Variants in UNC13A observed in about 807,000 individuals in gnomAD.
UNC13A encodes the protein unc-13 homolog A.
UNC13A carries 61 observed loss-of-function variants against 219.7 expected under a neutral mutation model. That is an observed-to-expected ratio of 0.28 (90% CI 0.23 to 0.34). UNC13A has a LOEUF of 0.34. Ranked by LOEUF, UNC13A falls within the 10% of genes least tolerant of loss-of-function variation. UNC13A has a pLI of 1.00. For synonymous variants in UNC13A, 920 were observed against 884.6 expected, an observed-to-expected ratio of 1.04 and a Z score of -0.71; for missense variants, 1,476 against 2,270.3, an observed-to-expected ratio of 0.65 and a Z score of 7.11.
intron 36 of UNC13A, 105 bp downstream of exon 36, chr19:17,623,437 G>T: frequency 2.3e-6 from 2 of 851,744 alleles, no homozygotes; most frequent in East Asian, 3.0e-5. Context: ...TGGTGGGTGA[G>T]GAGGGGGCGC....
intron 41 of UNC13A, among the ~76,000 whole-genome samples, chr19:17,613,114 C>T (rs140132959): frequency 0.052 from 7,942 of 152,156 alleles, 289 homozygotes; most frequent in African/African-American, 0.1. Flanking sequence ...CGCCTGTAAT[C>T]CCAGCTACTT....
rs1885421971 is a variant in UNC13A, at chr19:17,630,130, C to G, written c.3669+15G>C. The G allele has an allele frequency of 6.4e-7, 1 of 1,551,568 alleles. No individual in the cohort carries two copies. Among genetic ancestry groups the G allele is most frequent in the East Asian group, 2.4e-5 (1 of 40,922 alleles). ...ACCCTGTCCCCTAGCCCCAACCCTA[C>G]CCACTCTCCCACACCTTGGCAAAGC... is the stretch of plus-strand genomic sequence containing the variant. On this transcript the variant is annotated intron_variant, in intron 30 of 43. Transcript: ENST00000519716.
chr19:17,605,983 G>C lies in UNC13A; in HGVS notation c.*71C>G. The C allele has an allele frequency of 2.2e-6, 3 of 1,340,696 alleles. No individual in the cohort carries two copies. The highest frequency in any genetic ancestry group is 2.9e-6 in the Non-Finnish European group (3 of 1,041,278). 83.0% of individuals were successfully genotyped at this position (1,340,696 alleles called of 1,614,324 possible). On this transcript the variant is annotated 3_prime_UTR_variant, in exon 44 of 44. Transcript: ENST00000519716. ...CCCGCCCCTGGGGAGGTCCCACCAAGGCGCAAGCCCCGTCCCTCCCCGCCC... is the reference window on the plus strand; with the variant it reads ...CCCGCCCCTGGGGAGGTCCCACCAACGCGCAAGCCCCGTCCCTCCCCGCCC...
chr19:17,671,415 G>C (rs1179429541), intron 4 of UNC13A, among the ~76,000 whole-genome samples: 14 of 152,084 alleles, frequency 9.2e-5, no homozygotes, highest in Non-Finnish European at 2.1e-4. Context: ...CCTGGGGTCA[G>C]CATGGAGAGG....
chr19:17,676,237 C>G lies in UNC13A; in HGVS notation c.23-196G>C, dbSNP rs963958841. The G allele has an allele frequency of 2.0e-5, 14 of 700,188 alleles. No homozygotes were observed. In the Admixed American group the frequency reaches 2.8e-4, roughly 14 times the overall value. The allele number at this position is 700,188 out of a possible 1,614,324, so 43.4% of individuals were successfully genotyped here. A position where few individuals can be genotyped will look rare whatever the true frequency, so the allele number is the denominator to read the frequency against. On this transcript the variant is annotated intron_variant, in intron 1 of 43. Transcript: ENST00000519716. ...ATAGAAGCAATGTCAGAGACAGAGA[C>G]AAGGGGAGGAGGAGAGGTAGGAAAG...
At chr19:17,681,904 G>A (rs1402795903) in intron 1 of UNC13A, among the ~76,000 whole-genome samples, 2 of 151,568 alleles carry the variant, frequency 1.3e-5, no homozygotes, top group Non-Finnish European at 2.9e-5. Flanking sequence ...ACTCAGAACC[G>A]CCTTCCAGAA....
chr19:17,652,694 C>CAGAT lies in UNC13A; in HGVS notation c.1393-21_1393-18dup. 4.3e-6 allele frequency: 7 copies of CAGAT among 1,613,498 alleles called. No individual in the cohort carries two copies. Among genetic ancestry groups the CAGAT allele is most frequent in the Non-Finnish European group, 5.9e-6 (7 of 1,179,532 alleles). On this transcript the variant is annotated splice_polypyrimidine_tract_variant and intron_variant, in intron 11 of 43. Coordinates refer to ENST00000519716, the MANE Select transcript of UNC13A (RefSeq NM_001080421.3). ...TCCCCGGGCCTGCAGGACAGACAGA[C>CAGAT]AGATATGGTCAGTGTGGCTGTCCCT...
At chr19:17,640,693 G>A in intron 21 of UNC13A, 32 bp from the exon 22 acceptor site, 1 of 1,546,712 alleles carries the variant, frequency 6.5e-7, no homozygotes, top group Admixed American at 2.0e-5. Flanking sequence ...CACTAGGCCA[G>A]GGGTCCAGCC....
In UNC13A at chr19:17,674,725, C is replaced by T. The variant is rs1345467418; in HGVS notation, c.84G>A (p.Val28=). Residue 28 remains valine (V), a synonymous_variant, in exon 3 of 44, where the codon GTG becomes GTA. Transcript: ENST00000519716. The surrounding 1 kb of genome is among the most constrained non-coding windows in gnomAD (Gnocchi z 5.0). ...CGATGGTCGTGCTCTTGACATTCTG[C>T]ACTTTCAGGGTCACGTACGTGTTGA... The part of the protein sequence containing the change: ...EKFNTYVTLK[V]QNVKSTTIAV... 6 of 1,613,822 alleles carry T rather than the reference C, an allele frequency of 3.7e-6. No homozygotes were observed. The African/African-American group carries it at 6.7e-5, about 18-fold the overall frequency.
At chr19:17,613,702 C>CTTTTTTTTTTTTTTT (rs1157023997) in intron 41 of UNC13A, 5 of 124,242 alleles carry the variant, frequency 4.0e-5, no homozygotes, top group Non-Finnish European at 6.7e-5. Flanking sequence ...TCTTAAGTTT[C>CTTTTTTTTTTTTTTT]TTTTTTTTTT....
intron 43 of UNC13A, among the ~76,000 whole-genome samples, chr19:17,607,053 T>C (rs1294408356): frequency 1.3e-5 from 2 of 152,026 alleles, no homozygotes; most frequent in Non-Finnish European, 2.9e-5. Context: ...CCACCCTGGC[T>C]GACATCTGAC....
At chr19:17,616,611 A>C in intron 41 of UNC13A, 1 of 519,236 alleles carries the variant, frequency 1.9e-6, no homozygotes, top group Non-Finnish European at 3.4e-6. Flanking sequence ...GAGGGAGGAA[A>C]AACAAGAGAG....
rs1370905612 is a variant in UNC13A, at chr19:17,608,662, C to T, written c.4811+1278G>A. ...CCTCCCGAGTAGCTGGGACTACAGG[C>T]GCCCGCCACCACGCCTGGCTAGGTT... On this transcript the variant is annotated intron_variant, in intron 43 of 43. Coordinates refer to ENST00000519716, the MANE Select transcript of UNC13A (RefSeq NM_001080421.3). Among the ~76,000 whole-genome samples the T allele has an allele frequency of 8.6e-5, 13 of 151,086 alleles. No homozygotes were observed. The East Asian group carries it at 1.4e-3, about 16-fold the overall frequency.
At chr19:17,636,973 AT>A (rs77226457) in intron 25 of UNC13A, among the ~76,000 whole-genome samples, 3,015 of 141,938 alleles carry the variant, frequency 0.021, 96 homozygotes, top group African/African-American at 0.066. Context: ...TCTTCTCTCT[AT>A]TTTTTTTTTT....
chr19:17,649,007 G>A lies in UNC13A; in HGVS notation c.1525-24C>T. 1 of 1,578,934 alleles carries A rather than the reference G, an allele frequency of 6.3e-7. No homozygotes were observed. The highest frequency in any genetic ancestry group is 8.6e-7 in the Non-Finnish European group (1 of 1,164,174). On this transcript the variant is annotated intron_variant, in intron 14 of 43. Transcript: ENST00000519716. The surrounding 1 kb of genome is among the most constrained non-coding windows in gnomAD (Gnocchi z 4.4). ...GACTGGGGAGGTCACAGAAGAGGGA[G>A]TCGGGGGGGTTGACATCCATGAGAT...
At position 17,618,925 on chromosome 19, in the gene UNC13A, C is replaced by T; in HGVS notation, c.4310G>A (p.Gly1437Asp). The change falls in exon 39 of 44, where the codon GGT becomes GAT. Residue 1437 changes from glycine to aspartate, a missense_variant. This residue lies in a region of UNC13A where 75 missense variants were observed against 100.2 expected (regional missense o/e 0.75). Transcript: ENST00000519716. The stretch of plus-strand genomic sequence containing the variant: ...CCTCACCTTGAGTTTGGACAGCTGA[C>T]CCAGCTCCTTGGCTGCATTGAAGAT... ...QMIFNAAKELGQLSKLKDHMV... is the reference protein window; with the variant it reads ...QMIFNAAKELDQLSKLKDHMV... The T allele has an allele frequency of 6.2e-7, 1 of 1,614,008 alleles. No homozygotes were observed. Among genetic ancestry groups the T allele is most frequent in the Non-Finnish European group, 8.5e-7 (1 of 1,179,906 alleles).
At position 17,629,382 on chromosome 19, in the gene UNC13A, C is replaced by A; in HGVS notation, c.3670-59G>T. On this transcript the variant is annotated intron_variant, in intron 30 of 43. Coordinates refer to ENST00000519716, the MANE Select transcript of UNC13A (RefSeq NM_001080421.3). ...GGCTGGCACCAAGGCAGGCGCCAGT[C>A]GTCCCATCAAGGCCACTAGTGAGAT... The A allele has an allele frequency of 2.0e-6, 3 of 1,497,236 alleles. No homozygotes were observed. In the South Asian group the frequency reaches 3.6e-5, roughly 18 times the overall value. The allele number at this position is 1,497,236 out of a possible 1,614,324, so 92.7% of individuals were successfully genotyped here.
chr19:17,647,477 C>T lies in UNC13A; in HGVS notation c.1832G>A (p.Ser611Asn). 6.2e-7 allele frequency: 1 copy of T among 1,612,752 alleles called. No homozygotes were observed. Among genetic ancestry groups the T allele is most frequent in the South Asian group, 1.1e-5 (1 of 91,080 alleles). Residue 611 changes from serine (S) to asparagine (N), a missense_variant, in exon 17 of 44, where the codon AGC becomes AAC. Ser to Asn is a conservative substitution (Grantham distance 46). Transcript: ENST00000519716. The stretch of plus-strand genomic sequence containing the variant: ...CCGGTCCTCCGCCCCGTGCTTGGAG[C>T]TCTTCTCCGCAGCCCCTGAGGACGC... ...ADCLQRAAEK[S>N]SKHGAEDRTQ... is the part of the protein sequence containing the mutation.
chr19:17,641,516 A>ACCCCATTGTTCTGCACGT lies in UNC13A; in HGVS notation c.2495_2512dup (p.Asp832_Gly837dup). ...ACCCTTGGCATCTGGGATCTTCACG[A>ACCCCATTGTTCTGCACGT]CCCCATTGTTCTGCACGTCGGTCAC... On this transcript the variant is annotated inframe_insertion, in exon 21 of 44. Transcript: ENST00000519716. 1 of 1,613,590 alleles carries ACCCCATTGTTCTGCACGT rather than the reference A, an allele frequency of 6.2e-7. No individual in the cohort carries two copies. The highest frequency in any genetic ancestry group is 8.5e-7 in the Non-Finnish European group (1 of 1,179,878).
Sources: allele counts gnomAD v4.1 joint callset (sites outside exome capture counted in the v4.1 genomes callset), GRCh38; gene constraint gnomAD v4.1.1; regional missense constraint gnomAD v4.1.1; non-coding constraint Gnocchi (gnomAD v3.1); transcripts MANE v1.5; gene names NCBI Gene and HGNC (gene_info 2026-07-23, HGNC 2026-07-21).